Variants in STAG1 observed in about 807,000 individuals in gnomAD.
The protein encoded by STAG1 is cohesin subunit SA-1.
STAG1 carries 26 observed loss-of-function variants against 170.9 expected under a neutral mutation model. That is an observed-to-expected ratio of 0.15 (90% CI 0.11 to 0.21). The LOEUF (loss-of-function observed/expected upper bound fraction) is 0.21, where lower values mean the gene tolerates loss of function less well. STAG1 is among the 10% of genes least tolerant of loss of function. STAG1 has a pLI of 1.00. For synonymous variants in STAG1, 514 were observed against 497.7 expected (o/e 1.03, Z -0.44); for missense variants, 964 against 1,509.5 (o/e 0.64, Z 5.99).
intron 28 of STAG1, among the ~76,000 whole-genome samples, chr3:136,354,976 T>C (rs1936589378): frequency 6.6e-6 from 1 of 151,756 alleles, no homozygotes; most frequent in African/African-American, 2.4e-5. Flanking sequence ...GCTGGAGTGA[T>C]TATAGTAGTA....
At chr3:136,603,132 A>C (rs1291830918) in intron 4 of STAG1, among the ~76,000 whole-genome samples, 1 of 152,120 alleles carries the variant, frequency 6.6e-6, no homozygotes. Context: ...AATATAATAG[A>C]AAGTATACTA....
At chr3:136,455,448 T>G (rs1484632507) in intron 13 of STAG1, among the ~76,000 whole-genome samples, 4 of 152,084 alleles carry the variant, frequency 2.6e-5, no homozygotes, top group African/African-American at 9.7e-5. Context: ...GAATTAGAAG[T>G]GGAAAATTGC....
At chr3:136,478,657 T>C (rs1416271589) in intron 9 of STAG1, among the ~76,000 whole-genome samples, 1 of 152,196 alleles carries the variant, frequency 6.6e-6, no homozygotes, top group African/African-American at 2.4e-5. Context: ...CAAAATTCCT[T>C]GCTCTAATAA....
intron 9 of STAG1, among the ~76,000 whole-genome samples, chr3:136,496,047 G>A (rs1488768051): frequency 1.3e-5 from 2 of 151,896 alleles, no homozygotes; most frequent in African/African-American, 2.4e-5. Flanking sequence ...GGGAGGCTGA[G>A]GCAGGAGAAC....
At chr3:136,486,558 T>C (rs1559834494) in intron 9 of STAG1, among the ~76,000 whole-genome samples, 1 of 152,226 alleles carries the variant, frequency 6.6e-6, no homozygotes, top group Non-Finnish European at 1.5e-5. Context: ...TCCTCTGCTA[T>C]ACTACCCTTG....
At chr3:136,585,685 T>C (rs1326244107) in intron 4 of STAG1, among the ~76,000 whole-genome samples, 1 of 152,114 alleles carries the variant, frequency 6.6e-6, no homozygotes, top group Non-Finnish European at 1.5e-5. Context: ...GTTCATGTCC[T>C]CCAAGAATCC....
At chr3:136,506,417 G>A (rs1041720440) in intron 7 of STAG1, among the ~76,000 whole-genome samples, 1 of 150,590 alleles carries the variant, frequency 6.6e-6, no homozygotes, top group Admixed American at 6.6e-5. Flanking sequence ...GATCACTGGA[G>A]GTCAGGAGTT....
chr3:136,466,816 T>C (rs954119674), intron 12 of STAG1, among the ~76,000 whole-genome samples: 2 of 152,122 alleles, frequency 1.3e-5, no homozygotes, highest in African/African-American at 4.8e-5. Flanking sequence ...CAGCAGAAAC[T>C]GAACAAGCCA....
rs756152549 is a variant in STAG1 at position 136,438,557 on chromosome 3, G to T, written c.1546+4730C>A. On this transcript the variant is annotated intron_variant, in intron 15 of 33. Transcript: ENST00000383202. ...CATTTAGTTTCTTGGCTCACAGGTG[G>T]CCTGCTCAGGAAGGTCTTCCATCAG... Among the ~76,000 whole-genome samples, 74 of 152,024 alleles carry T rather than the reference G, an allele frequency of 4.9e-4. 1 individual carries two copies. The highest frequency in any genetic ancestry group is 1.2e-3 in the South Asian group (6 of 4,816).
chr3:136,533,732 G>A (rs1258659356), intron 6 of STAG1, among the ~76,000 whole-genome samples: 3 of 152,240 alleles, frequency 2.0e-5, no homozygotes, highest in East Asian at 1.9e-4. Flanking sequence ...CCCCACTTCC[G>A]ACACTGGGGA....
intron 6 of STAG1, among the ~76,000 whole-genome samples, chr3:136,526,124 G>C (rs1935012710): frequency 6.6e-6 from 1 of 152,176 alleles, no homozygotes; most frequent in Admixed American, 6.5e-5. Context: ...GCTTGGTGCA[G>C]AGCTGAGTTC....
chr3:136,487,587 C>A (rs1418218764), intron 9 of STAG1, among the ~76,000 whole-genome samples: 2 of 152,178 alleles, frequency 1.3e-5, no homozygotes, highest in Non-Finnish European at 2.9e-5. Context: ...GGTAACTTGT[C>A]TCCTCTTTGG....
At chr3:136,397,928 A>G (rs1157612126) in intron 22 of STAG1, among the ~76,000 whole-genome samples, 1 of 151,598 alleles carries the variant, frequency 6.6e-6, no homozygotes, top group Non-Finnish European at 1.5e-5. Flanking sequence ...TCTAGGTATC[A>G]TACTACTATC....
At chr3:136,684,661 G>A (rs1022058515) in intron 1 of STAG1, among the ~76,000 whole-genome samples, 5 of 151,064 alleles carry the variant, frequency 3.3e-5, no homozygotes, top group African/African-American at 4.9e-5. Context: ...TGAGGTGGGA[G>A]AATCATCGGG....
intron 23 of STAG1, 110 bp from the exon 24 acceptor site, chr3:136,369,392 A>G (rs1203962445): frequency 2.6e-6 from 2 of 762,312 alleles, no homozygotes; most frequent in Non-Finnish European, 3.8e-6. Context: ...GTACCATAAT[A>G]TAAATTTTCA....
chr3:136,743,605 C>T (rs942169506), intron 1 of STAG1, among the ~76,000 whole-genome samples: 6 of 151,898 alleles, frequency 4.0e-5, no homozygotes, highest in African/African-American at 1.5e-4. Flanking sequence ...ATTTTGTTAT[C>T]AAAACCATCC....
chr3:136,544,272 C>T (rs1221468351), intron 5 of STAG1, among the ~76,000 whole-genome samples: 1 of 152,130 alleles, frequency 6.6e-6, no homozygotes, highest in Non-Finnish European at 1.5e-5. Context: ...AGAAATGTCT[C>T]AACCCTGTCC....
At chr3:136,355,773 A>G (rs1384508739) in intron 28 of STAG1, among the ~76,000 whole-genome samples, 1 of 152,260 alleles carries the variant, frequency 6.6e-6, no homozygotes, top group Non-Finnish European at 1.5e-5. Flanking sequence ...TAAGAGAAGG[A>G]AAATCTGGAA....
chr3:136,724,474 C>A (rs1025500440), intron 1 of STAG1, among the ~76,000 whole-genome samples: 6 of 151,680 alleles, frequency 4.0e-5, no homozygotes, highest in African/African-American at 1.2e-4. Context: ...TGAGGAAGGC[C>A]GCAGGGTCCT....
Sources: gnomAD v4.1 joint callset for allele counts (sites outside exome capture counted in the v4.1 genomes callset) on GRCh38, gnomAD v4.1.1 for gene constraint, MANE v1.5 for transcripts, NCBI Gene and HGNC (gene_info 2026-07-23, HGNC 2026-07-21) for gene names.